EDA: variants seen among roughly 807,000 people sequenced by gnomAD.
The protein encoded by EDA is ectodysplasin A, also known as ectodysplasin-A.
EDA carries 2 observed loss-of-function variants against 23.6 expected under a neutral mutation model. That is an observed-to-expected ratio of 0.08 (90% CI 0.03 to 0.27). EDA has a LOEUF of 0.27. Among genes scored for constraint, EDA ranks in the 10% least tolerant of loss-of-function variants. EDA has a pLI of 1.00. For missense variants in EDA, 229 were observed against 324.2 expected (o/e 0.71, Z 2.26); for synonymous variants, 131 against 132.0 (o/e 0.99, Z 0.05).
chrX:69,678,672 T>C, intron 1 of EDA, among the ~76,000 whole-genome samples: 1 of 106,421 alleles, frequency 9.4e-6, no homozygotes, highest in Non-Finnish European at 1.9e-5. Context: ...ACATTGATTT[T>C]GTATCCTGAG....
At chrX:70,013,226 G>A (rs189720406) in intron 2 of EDA, among the ~76,000 whole-genome samples, 70 of 111,358 alleles carry the variant, frequency 6.3e-4, no homozygotes, top group African/African-American at 2.2e-3. Flanking sequence ...CAGCGGTATC[G>A]CCCTTACTGC....
At chrX:69,665,135 T>A (rs1269316623) in intron 1 of EDA, among the ~76,000 whole-genome samples, 1 of 112,276 alleles carries the variant, frequency 8.9e-6, no homozygotes, top group Non-Finnish European at 1.9e-5. Context: ...TATTCAGGTC[T>A]TCTGACCATT....
Position 69,712,978 on chromosome X carries a change from G to C in EDA, c.396+96274G>C, listed in dbSNP as rs1406490474. On this transcript the variant is annotated intron_variant, in intron 1 of 7. Coordinates refer to ENST00000374552, the MANE Select transcript of EDA (RefSeq NM_001399.5). The stretch of plus-strand genomic sequence containing the variant: ...ATTGCAGGGACAAAAAAACCAAACA[G>C]TGCATGTTCTCACTCATAGGTGGGA... 6.7e-5 allele frequency among the ~76,000 whole-genome samples: 7 copies of C among 104,964 alleles called. 1 individual carries two copies. The highest frequency in any genetic ancestry group is 6.4e-4 in the Admixed American group (6 of 9,406). 91.1% of individuals were successfully genotyped at this position (104,964 alleles called of 115,157 possible). A position where few individuals can be genotyped will look rare whatever the true frequency, so the allele number is the denominator to read the frequency against.
intron 1 of EDA, among the ~76,000 whole-genome samples, chrX:69,657,133 A>G (rs1212974530): frequency 8.9e-6 from 1 of 111,911 alleles, no homozygotes; most frequent in East Asian, 2.8e-4. Context: ...ATAAGTGTTC[A>G]CTTTTCTCTG....
intron 1 of EDA, among the ~76,000 whole-genome samples, chrX:69,834,711 A>G (rs1210711574): frequency 1.8e-5 from 2 of 111,357 alleles, no homozygotes; most frequent in African/African-American, 3.3e-5. Flanking sequence ...TAGCCCATGT[A>G]CATTTAAGGT....
intron 2 of EDA, among the ~76,000 whole-genome samples, chrX:69,982,158 A>G (rs1265771944): frequency 1.8e-5 from 2 of 111,750 alleles, no homozygotes; most frequent in African/African-American, 6.5e-5. Flanking sequence ...CTTACAGTTG[A>G]GAGTGTGCGT....
At chrX:69,886,720 C>T (rs2017834280) in intron 1 of EDA, among the ~76,000 whole-genome samples, 1 of 111,279 alleles carries the variant, frequency 9.0e-6, no homozygotes, top group African/African-American at 3.3e-5. Flanking sequence ...CAGACAGGAT[C>T]CACAGCTGCT....
At chrX:69,823,613 G>A (rs1323253278) in intron 1 of EDA, among the ~76,000 whole-genome samples, 1 of 84,403 alleles carries the variant, frequency 1.2e-5, no homozygotes, top group African/African-American at 4.9e-5. Context: ...TGTCAGATGA[G>A]TAGGTTGCGA....
In EDA at chrX:70,038,402, T is replaced by C. The variant is rs1447800717; in HGVS notation, c.*2793T>C. On this transcript the variant is annotated 3_prime_UTR_variant, in exon 8 of 8. Coordinates refer to ENST00000374552, the MANE Select transcript of EDA (RefSeq NM_001399.5). ...ATTTACTGATGAGAGAATGTGGAAA[T>C]AGATGTGCAGTTTGGAATTATGTTG... 9.1e-6 allele frequency: 1 copy of C among 110,360 alleles called. No homozygotes were observed. The highest frequency in any genetic ancestry group is 3.3e-5 in the African/African-American group (1 of 30,278). 9.1% of individuals were successfully genotyped at this position (110,360 alleles called of 1,213,427 possible).
chrX:69,706,829 T>C (rs2011745633), intron 1 of EDA, among the ~76,000 whole-genome samples: 1 of 111,324 alleles, frequency 9.0e-6, no homozygotes, highest in Non-Finnish European at 1.9e-5. Flanking sequence ...TATCAGACTA[T>C]GTTGATGTTA....
intron 1 of EDA, among the ~76,000 whole-genome samples, chrX:69,795,240 G>T (rs2015513874): frequency 1.8e-5 from 2 of 110,979 alleles, no homozygotes; most frequent in African/African-American, 6.6e-5. Flanking sequence ...TGCCCAGGCT[G>T]GCATCAAACT....
chrX:69,891,978 T>A (rs2017940601), intron 1 of EDA, among the ~76,000 whole-genome samples: 1 of 111,111 alleles, frequency 9.0e-6, no homozygotes, highest in Non-Finnish European at 1.9e-5. Flanking sequence ...CAGGAGAAAA[T>A]TTTTCATGTG....
At chrX:69,724,686 T>G (rs2012724350) in intron 1 of EDA, among the ~76,000 whole-genome samples, 1 of 111,960 alleles carries the variant, frequency 8.9e-6, no homozygotes, top group Non-Finnish European at 1.9e-5. Context: ...GTGGGATGGT[T>G]ATCTGTGTTG....
chrX:69,771,505 A>G (rs2014638970), intron 1 of EDA, among the ~76,000 whole-genome samples: 1 of 111,828 alleles, frequency 8.9e-6, no homozygotes, highest in South Asian at 3.7e-4. Flanking sequence ...TTAAATTAGT[A>G]GTTGCAGTGC....
At chrX:69,895,395 TACACACACACACACAC>T (rs200298403) in intron 1 of EDA, among the ~76,000 whole-genome samples, 6 of 86,158 alleles carry the variant, frequency 7.0e-5, no homozygotes, top group East Asian at 7.0e-4. Context: ...TTTCTCAACC[TACACACACACACACAC>T]ACACACACAC....
At chrX:69,798,757 G>A (rs866883784) in intron 1 of EDA, among the ~76,000 whole-genome samples, 3 of 110,834 alleles carry the variant, frequency 2.7e-5, no homozygotes, top group African/African-American at 9.8e-5. Context: ...GCCAAAATTA[G>A]CATAAGGAAA....
At chrX:70,023,535 G>T (rs1326727731) in intron 3 of EDA, among the ~76,000 whole-genome samples, 1 of 87,185 alleles carries the variant, frequency 1.1e-5, no homozygotes, top group African/African-American at 4.6e-5. Flanking sequence ...TGTTGCCCAG[G>T]CTGGAATGTA....
At chrX:69,715,458 A>G (rs1193733751) in intron 1 of EDA, among the ~76,000 whole-genome samples, 1 of 111,922 alleles carries the variant, frequency 8.9e-6, no homozygotes, top group East Asian at 2.8e-4. Flanking sequence ...TCCATGGTAT[A>G]TATGTACCAC....
chrX:69,916,393 GTTC>G (rs2018343680), intron 1 of EDA, among the ~76,000 whole-genome samples: 1 of 81,262 alleles, frequency 1.2e-5, no homozygotes. Context: ...AATCTCTACT[GTTC>G]TTTTTTTTTT....
Sources: allele counts gnomAD v4.1 joint callset (sites outside exome capture counted in the v4.1 genomes callset), GRCh38; gene constraint gnomAD v4.1.1; transcripts MANE v1.5; gene names NCBI Gene and HGNC (gene_info 2026-07-23, HGNC 2026-07-21).